Variants in GRID1 observed in about 807,000 individuals in gnomAD.
GRID1 encodes glutamate receptor ionotropic, delta-1.
GRID1 carries 28 observed loss-of-function variants against 98.0 expected under a neutral mutation model. The observed-to-expected ratio is 0.29, with a 90% CI of 0.21 to 0.39. The LOEUF (loss-of-function observed/expected upper bound fraction) is 0.39, where lower values mean the gene tolerates loss of function less well. Ranked by LOEUF, GRID1 falls within the 10% of genes least tolerant of loss-of-function variation. The pLI is 1.00. For missense variants in GRID1, 1,111 were observed against 1,340.5 expected (o/e 0.83, Z 2.67); for synonymous variants, 553 against 538.5 (o/e 1.03, Z -0.37).
chr10:86,081,911 T>C (rs548988620), intron 4 of GRID1, among the ~76,000 whole-genome samples: 2 of 152,336 alleles, frequency 1.3e-5, no homozygotes, highest in African/African-American at 2.4e-5. Context: ...ATACTACTAA[T>C]AATGGTGAAC....
At chr10:86,292,154 G>A (rs532009062) in intron 2 of GRID1, among the ~76,000 whole-genome samples, 7 of 152,338 alleles carry the variant, frequency 4.6e-5, no homozygotes, top group African/African-American at 7.2e-5. Flanking sequence ...GAAAAAGCAC[G>A]CACGCCCCAG....
At chr10:85,714,257 G>A (rs966718305) in intron 12 of GRID1, among the ~76,000 whole-genome samples, 2 of 151,912 alleles carry the variant, frequency 1.3e-5, no homozygotes, top group Non-Finnish European at 2.9e-5. Context: ...CCTATTTGAG[G>A]GTGGAGGTTA....
intron 2 of GRID1, among the ~76,000 whole-genome samples, chr10:86,354,619 C>A (rs1375508740): frequency 6.6e-6 from 1 of 152,240 alleles, no homozygotes; most frequent in Non-Finnish European, 1.5e-5. Flanking sequence ...CTGTTCAAGA[C>A]CACACAGATA....
chr10:86,309,999 T>C (rs1156998111), intron 2 of GRID1, among the ~76,000 whole-genome samples: 1 of 152,178 alleles, frequency 6.6e-6, no homozygotes, highest in Non-Finnish European at 1.5e-5. Flanking sequence ...CACCCCTTTA[T>C]GTCCAAGCCG....
chr10:86,163,993 C>G (rs1375854610), intron 3 of GRID1, among the ~76,000 whole-genome samples: 1 of 152,202 alleles, frequency 6.6e-6, no homozygotes, highest in South Asian at 2.1e-4. Context: ...GGCCTGAGGC[C>G]CCTGCACCAC....
intron 4 of GRID1, among the ~76,000 whole-genome samples, chr10:86,087,970 C>G (rs916975253): frequency 1.3e-5 from 2 of 152,228 alleles, no homozygotes; most frequent in South Asian, 2.1e-4. Context: ...AGTGCAGAAG[C>G]AGGAACTGTC....
chr10:86,183,148 T>C (rs2132002755), intron 3 of GRID1, among the ~76,000 whole-genome samples: 1 of 152,288 alleles, frequency 6.6e-6, no homozygotes, highest in African/African-American at 2.4e-5. Context: ...AGGCAACCAC[T>C]GATCTGCAAT....
At chr10:86,233,565 T>A (rs2607837) in intron 2 of GRID1, among the ~76,000 whole-genome samples, 1 of 152,100 alleles carries the variant, frequency 6.6e-6, no homozygotes, top group Non-Finnish European at 1.5e-5. Context: ...CTCCCCACCC[T>A]AGGGTAGCTC....
rs3028889 is a variant in GRID1, at chr10:85,812,730, T to TTCTC, written c.1233+41762_1233+41765dup. On this transcript the variant is annotated intron_variant, in intron 8 of 15. Coordinates refer to ENST00000327946, the MANE Select transcript of GRID1 (RefSeq NM_017551.3). ...TCAAAACTAAACAAGCAAACAGAAG[T>TTCTC]TCTCTCTCTCTCTCTCTCTCTCCCT... is the stretch of plus-strand genomic sequence containing the variant. 2.5e-3 allele frequency among the ~76,000 whole-genome samples: 377 copies of TTCTC among 148,074 alleles called. 1 individual carries two copies. The highest frequency in any genetic ancestry group is 8.4e-3 in the African/African-American group (339 of 40,316).
intron 4 of GRID1, among the ~76,000 whole-genome samples, chr10:86,049,104 G>A (rs921073700): frequency 3.3e-5 from 5 of 152,206 alleles, no homozygotes; most frequent in African/African-American, 1.2e-4. Flanking sequence ...TAAGCAACTT[G>A]GTACTGAAGT....
chr10:85,650,019 C>T (rs1843246768), intron 12 of GRID1: 3 of 152,198 alleles, frequency 2.0e-5, no homozygotes, highest in Admixed American at 2.0e-4. Flanking sequence ...GGGGCACTAC[C>T]ATCTTATTCC....
chr10:85,872,911 T>C (rs918964929), intron 5 of GRID1, among the ~76,000 whole-genome samples: 1 of 152,194 alleles, frequency 6.6e-6, no homozygotes, highest in Non-Finnish European at 1.5e-5. Context: ...TACTGTACAA[T>C]CCAGAGATAT....
intron 4 of GRID1, among the ~76,000 whole-genome samples, chr10:86,009,319 C>A (rs1298786239): frequency 6.6e-6 from 1 of 152,052 alleles, no homozygotes; most frequent in Non-Finnish European, 1.5e-5. Context: ...CCCAAGCAAC[C>A]CACAGTGAGA....
chr10:86,344,881 G>A (rs1277692594), intron 2 of GRID1, among the ~76,000 whole-genome samples: 1 of 152,206 alleles, frequency 6.6e-6, no homozygotes, highest in Non-Finnish European at 1.5e-5. Context: ...CCAAGCTGCT[G>A]CACAAACCTG....
chr10:85,680,129 AT>A (rs981613267), intron 12 of GRID1, among the ~76,000 whole-genome samples: 13 of 152,316 alleles, frequency 8.5e-5, no homozygotes, highest in African/African-American at 3.1e-4. Flanking sequence ...AAGGGTAAAC[AT>A]GAGTACAGAA....
At chr10:85,889,420 T>G (rs1184848747) in intron 5 of GRID1, among the ~76,000 whole-genome samples, 1 of 152,222 alleles carries the variant, frequency 6.6e-6, no homozygotes, top group African/African-American at 2.4e-5. Context: ...TCCACTTGAG[T>G]GAGATTATGC....
At chr10:86,339,456 G>A (rs12415259) in intron 2 of GRID1, among the ~76,000 whole-genome samples, 103,620 of 152,228 alleles carry the variant, frequency 0.68, 37,561 homozygotes, top group Non-Finnish European at 0.82. Flanking sequence ...GCTCCCAGGG[G>A]TGTGGTAGTT....
At chr10:86,097,260 A>T (rs1271765514) in intron 4 of GRID1, among the ~76,000 whole-genome samples, 88 of 152,326 alleles carry the variant, frequency 5.8e-4, no homozygotes, top group Admixed American at 5.7e-3. Flanking sequence ...TAGATATATA[A>T]TAGATGATAG....
intron 2 of GRID1, among the ~76,000 whole-genome samples, chr10:86,286,756 A>G (rs1847437419): frequency 6.6e-6 from 1 of 152,168 alleles, no homozygotes; most frequent in Non-Finnish European, 1.5e-5. Flanking sequence ...AACGGTACCT[A>G]CCCCAGGGGC....
Sources: allele counts gnomAD v4.1 joint callset (sites outside exome capture counted in the v4.1 genomes callset), GRCh38; gene constraint gnomAD v4.1.1; transcripts MANE v1.5; gene names NCBI Gene and HGNC (gene_info 2026-07-23, HGNC 2026-07-21).